OFD1: variants seen among roughly 807,000 people sequenced by gnomAD.
OFD1 encodes OFD1 centriole and centriolar satellite protein, also known as centriole and centriolar satellite protein OFD1.
A neutral mutation model predicts 81.4 loss-of-function variants in OFD1; 12 were observed. The ratio of observed to expected loss-of-function variants is 0.15; its 90% CI spans 0.09 to 0.24. The LOEUF is 0.24. Among genes scored for constraint, OFD1 ranks in the 10% least tolerant of loss-of-function variants. The probability of loss-of-function intolerance (pLI) is 1.00; values close to 1 mark genes in which losing one functional copy is unlikely to be tolerated. For missense variants in OFD1, 685 were observed against 733.9 expected (o/e 0.93, Z 0.77); for synonymous variants, 256 against 263.7 (o/e 0.97, Z 0.28).
At chrX:13,749,739 A>G (rs2047434380) in intron 9 of OFD1, among the ~76,000 whole-genome samples, 2 of 112,703 alleles carry the variant, frequency 1.8e-5, no homozygotes, top group Non-Finnish European at 3.7e-5. Flanking sequence ...GACGAATGAG[A>G]TGCTATCATC....
At chrX:13,739,173 T>C (rs1406293948) in intron 5 of OFD1, 141 bp downstream of exon 5, 1 of 519,969 alleles carries the variant, frequency 1.9e-6, no homozygotes, top group East Asian at 3.7e-5. Context: ...ATTTCCCCTA[T>C]ATTTCCATTT....
the OFD1 span, among the ~76,000 whole-genome samples, chrX:13,724,686 G>T: frequency 8.9e-6 from 1 of 112,499 alleles, no homozygotes; most frequent in East Asian, 2.8e-4. Flanking sequence ...CGTGATCAAC[G>T]CAGAAGATGG....
At chrX:13,736,167 G>C in intron 2 of OFD1, 1 of 886,896 alleles carries the variant, frequency 1.1e-6, no homozygotes, top group Non-Finnish European at 1.4e-6. Flanking sequence ...CCAATCGTAA[G>C]CTGCTGAAAT....
downstream of OFD1, chrX:13,771,460 A>G (rs2048297477): frequency 1.8e-5 from 2 of 111,991 alleles, no homozygotes; most frequent in African/African-American, 6.5e-5. Context: ...GAAATATTAT[A>G]CTTGATGTTC....
At position 13,763,910 on chromosome X, in the gene OFD1, C is replaced by T. The variant is rs979511180; in HGVS notation, c.2599+55C>T. The stretch of plus-strand genomic sequence containing the variant: ...CAGGGTCGCATACTAAATACCAGTC[C>T]GTGTGCTCTGTGAATTATTTCATGT... On this transcript the variant is annotated intron_variant, in intron 19 of 22. Coordinates refer to ENST00000340096, the MANE Select transcript of OFD1 (RefSeq NM_003611.3). The T allele has an allele frequency of 4.1e-5, 36 of 873,326 alleles. No homozygotes were observed. The South Asian group carries it at 4.6e-4, about 11-fold the overall frequency. 72.0% of individuals were successfully genotyped at this position (873,326 alleles called of 1,213,427 possible). A position where few individuals can be genotyped will look rare whatever the true frequency, so the allele number is the denominator to read the frequency against.
chrX:13,765,232 C>T (rs767987519), intron 19 of OFD1, among the ~76,000 whole-genome samples: 23 of 109,691 alleles, frequency 2.1e-4, no homozygotes, highest in Non-Finnish European at 3.2e-4. Context: ...GGAGGTGCCC[C>T]GTGGACATGC....
chrX:13,768,801 A>G lies in OFD1; in HGVS notation c.2996+16A>G. Reference sequence around the variant, plus strand: ...AAGTCGAAAGGTACCTGTTTTCCCTACACACTTTCATACACAAACTGTTAA... The same window carrying G: ...AAGTCGAAAGGTACCTGTTTTCCCTGCACACTTTCATACACAAACTGTTAA... On this transcript the variant is annotated intron_variant, in intron 22 of 22. Transcript: ENST00000340096. 8.6e-7 allele frequency: 1 copy of G among 1,160,318 alleles called. No individual in the cohort carries two copies. Among genetic ancestry groups the G allele is most frequent in the Non-Finnish European group, 1.2e-6 (1 of 849,318 alleles).
Position 13,736,721 on chromosome X carries a change from G to A in OFD1, c.312+43G>A, listed in dbSNP as rs752060385. The A allele has an allele frequency of 5.0e-5, 51 of 1,027,406 alleles. 1 individual carries two copies. Among genetic ancestry groups the A allele is most frequent in the Non-Finnish European group, 5.6e-5 (41 of 730,140 alleles). The allele number at this position is 1,027,406 out of a possible 1,213,427, so 84.7% of individuals were successfully genotyped here. On this transcript the variant is annotated intron_variant, in intron 3 of 22. Coordinates refer to ENST00000340096, the MANE Select transcript of OFD1 (RefSeq NM_003611.3). ...CTGTTTCTGAAGTTTTTATTAACAG[G>A]TTCTTCCTCTGCTGACAGTAAAGTG...
the OFD1 span, chrX:13,715,950 A>C: frequency 0.023 from 25,939 of 1,131,410 alleles, 252 homozygotes; most frequent in Non-Finnish European, 0.027. Flanking sequence ...CAGTTTCCTG[A>C]CAAAGGTCGA....
At chrX:13,746,988 C>T (rs1364761121) in intron 8 of OFD1, 35 bp downstream of exon 8, 1 of 1,161,255 alleles carries the variant, frequency 8.6e-7, no homozygotes, top group South Asian at 1.8e-5. Flanking sequence ...GTGGCTATTT[C>T]CTGCAGCTAT....
chrX:13,760,622 C>T lies in OFD1; in HGVS notation c.2162C>T (p.Ala721Val). Residue 721 changes from alanine (A) to valine (V), a missense_variant, in exon 16 of 23, where the codon GCA becomes GTA. Ala to Val is a moderately conservative substitution (Grantham distance 64). Transcript: ENST00000340096. ...NDVVEALTGS[A>V]ASRLRGGTSS... ...GTCGTGGAAGCACTGACAGGCAGTG[C>T]AGCCTCGAGGCTCCGCGGGGGCACT... The T allele has an allele frequency of 8.3e-7, 1 of 1,211,449 alleles. No individual in the cohort carries two copies. Among genetic ancestry groups the T allele is most frequent in the South Asian group, 1.8e-5 (1 of 56,899 alleles).
At chrX:13,736,113 A>C (rs1046206556) in intron 2 of OFD1, 19 of 838,591 alleles carry the variant, frequency 2.3e-5, no homozygotes, top group Non-Finnish European at 2.7e-5. Flanking sequence ...AACAGTCCAC[A>C]GAGGTGTGAT....
chrX:13,761,363 T>C (rs1472018929), intron 17 of OFD1, 152 bp downstream of exon 17: 6 of 574,871 alleles, frequency 1.0e-5, no homozygotes, highest in South Asian at 2.9e-5. Context: ...CAAAATGATA[T>C]GTCATCTTTG....
intron 6 of OFD1, 148 bp from the exon 7 acceptor site, chrX:13,746,171 A>G (rs1171676776): frequency 2.0e-6 from 1 of 499,437 alleles, no homozygotes; most frequent in Non-Finnish European, 3.5e-6. Context: ...CCATTCATCC[A>G]CCTTCCTTTT....
At chrX:13,762,822 C>T (rs1460965259) in intron 18 of OFD1, among the ~76,000 whole-genome samples, 4 of 111,398 alleles carry the variant, frequency 3.6e-5, no homozygotes, top group African/African-American at 9.8e-5. Flanking sequence ...TACAGTGGTC[C>T]GATCTTGGCT....
At chrX:13,737,036 T>C (rs968544815) in intron 3 of OFD1, among the ~76,000 whole-genome samples, 4 of 112,086 alleles carry the variant, frequency 3.6e-5, no homozygotes, top group Non-Finnish European at 5.6e-5. Flanking sequence ...AGATGTTTTG[T>C]GTGTTACGGA....
chrX:13,734,792 G>T lies in OFD1; in HGVS notation c.-280G>T, dbSNP rs1167284818. 16 of 1,071,599 alleles carry T rather than the reference G, an allele frequency of 1.5e-5. No individual in the cohort carries two copies. Among genetic ancestry groups the T allele is most frequent in the African/African-American group, 1.9e-5 (1 of 52,953 alleles). 88.3% of individuals were successfully genotyped at this position (1,071,599 alleles called of 1,213,427 possible). A position where few individuals can be genotyped will look rare whatever the true frequency, so the allele number is the denominator to read the frequency against. ...TGCCTCGCTGCCTTCAGTCCCTAGT[G>T]TCTGGGTCCCCGCCCTCCAGCCGCC... On this transcript the variant is annotated 5_prime_UTR_variant, in exon 1 of 23. Coordinates refer to ENST00000340096, the MANE Select transcript of OFD1 (RefSeq NM_003611.3).
chrX:13,718,154 C>G, the OFD1 span, among the ~76,000 whole-genome samples: 6 of 112,752 alleles, frequency 5.3e-5, no homozygotes, highest in Non-Finnish European at 1.1e-4. Context: ...CTGTCCCAAG[C>G]CACTCAGTTT....
At chrX:13,738,071 A>T (rs2046942371) in intron 3 of OFD1, among the ~76,000 whole-genome samples, 1 of 111,687 alleles carries the variant, frequency 9.0e-6, no homozygotes, top group Non-Finnish European at 1.9e-5. Flanking sequence ...GCTGGTCTCG[A>T]ATCCTGACCC....
Sources: gnomAD v4.1 joint callset for allele counts (sites outside exome capture counted in the v4.1 genomes callset) on GRCh38, gnomAD v4.1.1 for gene constraint, MANE v1.5 for transcripts, NCBI Gene and HGNC (gene_info 2026-07-23, HGNC 2026-07-21) for gene names.